Variants in LIN54 observed in about 807,000 individuals in gnomAD.
The protein encoded by LIN54 is lin-54 DREAM MuvB core complex component.
LIN54 carries 9 observed loss-of-function variants against 78.7 expected under a neutral mutation model. That is an observed-to-expected ratio of 0.11 (90% CI 0.07 to 0.20). The LOEUF is 0.20. Ranked by LOEUF, LIN54 falls within the 10% of genes least tolerant of loss-of-function variation. The pLI, the probability that LIN54 is intolerant of heterozygous loss-of-function variation, is 1.00. For synonymous variants in LIN54, 269 were observed against 318.4 expected, an observed-to-expected ratio of 0.84 and a Z score of 1.65; for missense variants, 573 against 889.9, an observed-to-expected ratio of 0.64 and a Z score of 4.53.
At chr4:82,987,868 T>A (rs1305972197) in intron 1 of LIN54, among the ~76,000 whole-genome samples, 1 of 152,262 alleles carries the variant, frequency 6.6e-6, no homozygotes, top group Non-Finnish European at 1.5e-5. Flanking sequence ...TATAGTAGAA[T>A]GATTTATATT....
chr4:83,009,389 T>C (rs1729668639), intron 1 of LIN54, among the ~76,000 whole-genome samples: 1 of 152,216 alleles, frequency 6.6e-6, no homozygotes, highest in South Asian at 2.1e-4. Context: ...ATACTAATCC[T>C]TCTGTTCATT....
In LIN54 at chr4:82,936,066, T is replaced by A; in HGVS notation, c.1760A>T (p.Lys587Met). 1.2e-6 allele frequency: 2 copies of A among 1,613,986 alleles called. No homozygotes were observed. The highest frequency in any genetic ancestry group is 1.7e-6 in the Non-Finnish European group (2 of 1,179,848). ...ATGACGTCGATCAGATTCTCCCTCC[T>A]TTCCTTTCCCTATCTTAGGCTTAAA... ...EAFKPKIGKGKEGESDRRHSK... is the reference protein window; with the variant it reads ...EAFKPKIGKGMEGESDRRHSK... Residue 587 changes from lysine (K) to methionine (M), a missense_variant, in exon 11 of 13, where the codon AAG becomes ATG. By Grantham distance (95) the Lys-to-Met change is moderately conservative. This residue lies in a region of LIN54 where 101 missense variants were observed against 194.2 expected (regional missense o/e 0.52). Coordinates refer to ENST00000340417, the MANE Select transcript of LIN54 (RefSeq NM_194282.4).
intron 4 of LIN54, among the ~76,000 whole-genome samples, chr4:82,960,659 C>T (rs542988182): frequency 7.9e-5 from 12 of 152,254 alleles, no homozygotes; most frequent in Non-Finnish European, 1.5e-4. Flanking sequence ...TCTCAAACTC[C>T]TGGTGCCCAG....
chr4:82,985,018 G>T, intron 1 of LIN54, 142 bp from the exon 2 acceptor site: 1 of 611,488 alleles, frequency 1.6e-6, no homozygotes, highest in Non-Finnish European at 2.8e-6. Context: ...GCTTATCTGG[G>T]TTAAATCATG....
Position 83,001,883 on chromosome 4 carries a change from G to GA in LIN54, c.-33+8600dup, listed in dbSNP as rs1481005594. On this transcript the variant is annotated intron_variant, in intron 1 of 12. Coordinates refer to ENST00000340417, the MANE Select transcript of LIN54 (RefSeq NM_194282.4). ...AAAGGATAGGAAGGAAGGAAGGAAG[G>GA]AAGGAAGGAAGGAGGGAGGGAGGGA... Among the ~76,000 whole-genome samples the GA allele has an allele frequency of 8.0e-3, 30 of 3,764 alleles. 7 individuals are homozygous for GA. The highest frequency in any genetic ancestry group is 0.091 in the East Asian group (2 of 22). 2.5% of individuals were successfully genotyped at this position (3,764 alleles called of 152,430 possible).
chr4:82,963,594 G>T (rs749319466), intron 4 of LIN54, among the ~76,000 whole-genome samples: 3 of 151,904 alleles, frequency 2.0e-5, no homozygotes, highest in Non-Finnish European at 4.4e-5. Context: ...ACACTCTATT[G>T]TAAGTTTCTT....
chr4:82,929,221 T>A (rs142914921), intron 12 of LIN54, among the ~76,000 whole-genome samples: 88 of 152,338 alleles, frequency 5.8e-4, no homozygotes, highest in Middle Eastern at 3.4e-3. Context: ...AACAAGCTTG[T>A]TAACATGCTA....
intron 4 of LIN54, among the ~76,000 whole-genome samples, chr4:82,949,639 G>A (rs542767741): frequency 6.6e-6 from 1 of 151,832 alleles, no homozygotes; most frequent in Non-Finnish European, 1.5e-5. Flanking sequence ...CCAAGTGATC[G>A]GCCTCCCTCA....
At chr4:82,967,648 A>G (rs1291585788) in intron 4 of LIN54, among the ~76,000 whole-genome samples, 2 of 152,222 alleles carry the variant, frequency 1.3e-5, no homozygotes. Flanking sequence ...GCAGCTGGAG[A>G]GTACACCATA....
chr4:82,927,230 TATTC>T lies in LIN54; in HGVS notation c.*868_*871del, dbSNP rs985995641. On this transcript the variant is annotated 3_prime_UTR_variant, in exon 13 of 13. Coordinates refer to ENST00000340417, the MANE Select transcript of LIN54 (RefSeq NM_194282.4). The stretch of plus-strand genomic sequence containing the variant: ...CTAAATTCATCTTTTGCAGCTTCCC[TATTC>T]TTTGTTTCTCCACCCATGCCAAATT... 2.0e-5 allele frequency: 3 copies of T among 152,168 alleles called. No homozygotes were observed. Among genetic ancestry groups the T allele is most frequent in the Middle Eastern group, 3.2e-3 (1 of 316 alleles). The allele number at this position is 152,168 out of a possible 1,614,324, so 9.4% of individuals were successfully genotyped here.
At position 82,984,192 on chromosome 4, in the gene LIN54, A is replaced by G; in HGVS notation, c.653T>C (p.Val218Ala). The change falls in exon 2 of 13, where the codon GTG (valine) becomes GCG (alanine). Residue 218 changes from valine to alanine, a missense_variant. Transcript: ENST00000340417. ...QLINTTTQPS[V>A]LQTQQLKTVQ... ...TGTTTTTAACTGTTGGGTCTGTAAC[A>G]CAGAGGGCTGAGTTGTAGTATTAAT... 6.2e-7 allele frequency: 1 copy of G among 1,613,746 alleles called. No individual in the cohort carries two copies. The highest frequency in any genetic ancestry group is 1.1e-5 in the South Asian group (1 of 91,028).
Position 82,928,066 on chromosome 4 carries a change from C to A in LIN54, c.*36G>T. ...CAAGTGTCCCTGCACCTTAAATTTTCTGTACAGTTCCATTTATCAGTCTTT... is the reference window on the plus strand; with the variant it reads ...CAAGTGTCCCTGCACCTTAAATTTTATGTACAGTTCCATTTATCAGTCTTT... On this transcript the variant is annotated 3_prime_UTR_variant, in exon 13 of 13. Transcript: ENST00000340417. 1 of 1,578,370 alleles carries A rather than the reference C, an allele frequency of 6.3e-7. No individual in the cohort carries two copies. The highest frequency in any genetic ancestry group is 1.1e-5 in the South Asian group (1 of 90,382).
intron 1 of LIN54, among the ~76,000 whole-genome samples, chr4:83,001,929 GGGAA>G (rs1337408432): frequency 3.4e-4 from 1 of 2,932 alleles, no homozygotes; most frequent in African/African-American, 6.6e-4. Flanking sequence ...GAGGGAGGGA[GGGAA>G]GGAAGGAAGG....
intron 3 of LIN54, among the ~76,000 whole-genome samples, chr4:82,975,573 A>G (rs1451099129): frequency 1.3e-5 from 2 of 151,846 alleles, no homozygotes; most frequent in African/African-American, 4.8e-5. Flanking sequence ...TTAGCCGGGC[A>G]TAGTGGCAGG....
At chr4:83,010,948 A>G (rs912529836), upstream of LIN54, 2 of 776,574 alleles carry the variant, frequency 2.6e-6, no homozygotes, top group Admixed American at 4.5e-5. Flanking sequence ...GCAAGTGCAC[A>G]CGGGCTACGC....
chr4:82,967,572 G>A (rs1392635645), intron 4 of LIN54, among the ~76,000 whole-genome samples: 1 of 152,200 alleles, frequency 6.6e-6, no homozygotes, highest in Non-Finnish European at 1.5e-5. Flanking sequence ...ACCTTCTGGA[G>A]TAAAGGTACT....
chr4:82,946,954 A>ATAT (rs1357682835), intron 4 of LIN54, among the ~76,000 whole-genome samples: 1 of 151,920 alleles, frequency 6.6e-6, no homozygotes, highest in Non-Finnish European at 1.5e-5. Flanking sequence ...GGGTTTCACC[A>ATAT]TATTGGTCAG....
chr4:82,945,987 C>T (rs1053050512), intron 5 of LIN54, among the ~76,000 whole-genome samples: 1 of 152,176 alleles, frequency 6.6e-6, no homozygotes, highest in African/African-American at 2.4e-5. Context: ...GCATAAATGG[C>T]AGGTTTTAAA....
chr4:82,949,046 G>A (rs1268745096), intron 4 of LIN54, among the ~76,000 whole-genome samples: 1 of 152,138 alleles, frequency 6.6e-6, no homozygotes, highest in African/African-American at 2.4e-5. Context: ...AGGGATTGCT[G>A]GGTCATGTGG....
Sources: gnomAD v4.1 joint callset for allele counts (sites outside exome capture counted in the v4.1 genomes callset) on GRCh38, gnomAD v4.1.1 for gene constraint, gnomAD v4.1.1 regional missense constraint, MANE v1.5 for transcripts, NCBI Gene and HGNC (gene_info 2026-07-23, HGNC 2026-07-21) for gene names.